Variants in KIAA0232 observed in about 807,000 individuals in gnomAD.
KIAA0232 encodes uncharacterized protein KIAA0232.
KIAA0232 carries 27 observed loss-of-function variants against 122.0 expected under a neutral mutation model. The observed-to-expected ratio is 0.22, with a 90% CI of 0.16 to 0.31. The LOEUF is 0.31. Ranked by LOEUF, KIAA0232 falls within the 10% of genes least tolerant of loss-of-function variation. KIAA0232 has a pLI of 1.00. For missense variants in KIAA0232, 1,551 were observed against 1,634.2 expected (o/e 0.95, Z 0.88); for synonymous variants, 613 against 587.6 (o/e 1.04, Z -0.63).
chr4:6,818,558 T>TA (rs1232555214), intron 2 of KIAA0232, among the ~76,000 whole-genome samples: 2 of 151,868 alleles, frequency 1.3e-5, no homozygotes, highest in Non-Finnish European at 2.9e-5. Context: ...AGAAGGACGA[T>TA]AAAATCATGG....
chr4:6,791,923 T>C (rs187985912), intron 1 of KIAA0232, among the ~76,000 whole-genome samples: 30 of 152,312 alleles, frequency 2.0e-4, no homozygotes, highest in African/African-American at 7.0e-4. Context: ...CAGGTCTTTC[T>C]CATGCTGTTC....
chr4:6,830,131 T>C (rs1381929473), intron 3 of KIAA0232, among the ~76,000 whole-genome samples: 2 of 152,258 alleles, frequency 1.3e-5, no homozygotes, highest in Non-Finnish European at 2.9e-5. Flanking sequence ...TCATGTGCTG[T>C]GTGCCAGCCA....
In KIAA0232 at chr4:6,842,053, C is replaced by T; in HGVS notation, c.232-14C>T. The T allele has an allele frequency of 6.2e-7, 1 of 1,612,966 alleles. No homozygotes were observed. Among genetic ancestry groups the T allele is most frequent in the Middle Eastern group, 1.7e-4 (1 of 6,060 alleles). ...TTAGCCCTGGTCATTTAACCTGGTG[C>T]AATTTCATTGCAGGAGAATGACATC... On this transcript the variant is annotated splice_polypyrimidine_tract_variant and intron_variant, in intron 3 of 9. Coordinates refer to ENST00000307659, the MANE Select transcript of KIAA0232 (RefSeq NM_014743.3).
At chr4:6,825,949 A>G (rs188197944) in intron 3 of KIAA0232, among the ~76,000 whole-genome samples, 163 of 152,262 alleles carry the variant, frequency 1.1e-3, no homozygotes, top group African/African-American at 3.5e-3. Flanking sequence ...GGATTTCACC[A>G]AGATGCTTAA....
At chr4:6,876,261 A>G (rs1207994694) in intron 8 of KIAA0232, among the ~76,000 whole-genome samples, 2 of 152,160 alleles carry the variant, frequency 1.3e-5, no homozygotes, top group Non-Finnish European at 1.5e-5. Context: ...TGAACGTGCT[A>G]TGATGCACCA....
intron 1 of KIAA0232, among the ~76,000 whole-genome samples, chr4:6,797,651 A>G (rs1054015240): frequency 6.6e-6 from 1 of 151,204 alleles, no homozygotes; most frequent in Non-Finnish European, 1.5e-5. Flanking sequence ...CCATAGTCCC[A>G]GTTACCTGGG....
chr4:6,844,437 C>T lies in KIAA0232; in HGVS notation c.369+2233C>T, dbSNP rs573896784. 4.6e-5 allele frequency among the ~76,000 whole-genome samples: 7 copies of T among 151,538 alleles called. No individual in the cohort carries two copies. In the East Asian group the frequency reaches 1.2e-3, roughly 25 times the overall value. On this transcript the variant is annotated intron_variant, in intron 4 of 9. Coordinates refer to ENST00000307659, the MANE Select transcript of KIAA0232 (RefSeq NM_014743.3). ...AACTTCTTAATTTCTTTTTCTTTTT[C>T]TTTTCTTTTTTCTTTTTTTGAGACG... is the stretch of plus-strand genomic sequence containing the variant.
At chr4:6,793,977 G>T (rs1717020577) in intron 1 of KIAA0232, among the ~76,000 whole-genome samples, 1 of 152,178 alleles carries the variant, frequency 6.6e-6, no homozygotes, top group African/African-American at 2.4e-5. Flanking sequence ...TCTACCTAGA[G>T]ATCTATTCAT....
At chr4:6,798,192 C>T (rs1008835204) in intron 1 of KIAA0232, among the ~76,000 whole-genome samples, 1 of 152,202 alleles carries the variant, frequency 6.6e-6, no homozygotes, top group Non-Finnish European at 1.5e-5. Context: ...TTTGACTCTC[C>T]ATGAGACCCT....
chr4:6,854,664 A>C (rs552861364), intron 4 of KIAA0232, among the ~76,000 whole-genome samples: 1 of 152,328 alleles, frequency 6.6e-6, no homozygotes, highest in Admixed American at 6.5e-5. Flanking sequence ...AGAGTGTTTT[A>C]CATGTGTTGG....
At chr4:6,830,831 A>G (rs1387338005) in intron 3 of KIAA0232, among the ~76,000 whole-genome samples, 3 of 152,106 alleles carry the variant, frequency 2.0e-5, no homozygotes, top group East Asian at 1.9e-4. Flanking sequence ...CATCTTTGCT[A>G]TGGAACTGTT....
At chr4:6,786,949 G>A (rs965911666) in intron 1 of KIAA0232, among the ~76,000 whole-genome samples, 4 of 152,072 alleles carry the variant, frequency 2.6e-5, no homozygotes, top group Non-Finnish European at 5.9e-5. Flanking sequence ...TTGGGAGGCC[G>A]AGGCGGGCGG....
At position 6,787,579 on chromosome 4, in the gene KIAA0232, C is replaced by T. The variant is rs75211894; in HGVS notation, c.-354+4738C>T. 8.0e-3 allele frequency among the ~76,000 whole-genome samples: 1,224 copies of T among 152,294 alleles called. 7 individuals carry two copies. The highest frequency in any genetic ancestry group is 0.013 in the Non-Finnish European group (912 of 68,004). The stretch of plus-strand genomic sequence containing the variant: ...CTGGAAACCTTTAGAGACTTCCTTT[C>T]TTGACCAGATTTTTACCAGGTTTGC... On this transcript the variant is annotated intron_variant, in intron 1 of 9. Transcript: ENST00000307659.
intron 4 of KIAA0232, among the ~76,000 whole-genome samples, chr4:6,844,530 GGTTCAA>G (rs1719852804): frequency 6.6e-6 from 1 of 151,612 alleles, no homozygotes. Flanking sequence ...CAACCTCCTG[GGTTCAA>G]GCGATTCTCC....
At chr4:6,833,049 C>CT (rs1342109632) in intron 3 of KIAA0232, among the ~76,000 whole-genome samples, 5 of 152,186 alleles carry the variant, frequency 3.3e-5, no homozygotes, top group African/African-American at 9.7e-5. Flanking sequence ...CTCCTTCAGC[C>CT]TATTTGTAAC....
rs757121600 is a variant in KIAA0232 at position 6,863,387 on chromosome 4, C to T, written c.3005C>T (p.Pro1002Leu). Reference sequence around the variant, plus strand: ...GTGTCATTTGAACAGAATGATCAGCCGAAGAGTGGGGAAAATGGGTTAAAT... The same window carrying T: ...GTGTCATTTGAACAGAATGATCAGCTGAAGAGTGGGGAAAATGGGTTAAAT... ...PFVSFEQNDQ[P>L]KSGENGLNKG... Residue 1002 changes from proline (P) to leucine (L), a missense_variant, in exon 7 of 10, where the codon CCG (proline) becomes CTG (leucine). By Grantham distance (98) the Pro-to-Leu change is moderately conservative. Coordinates refer to ENST00000307659, the MANE Select transcript of KIAA0232 (RefSeq NM_014743.3). 6.1e-5 allele frequency: 98 copies of T among 1,614,070 alleles called. 1 individual carries two copies. The South Asian group carries it at 9.2e-4, about 15-fold the overall frequency.
At chr4:6,810,388 A>T (rs574009940) in intron 2 of KIAA0232, among the ~76,000 whole-genome samples, 81 of 152,308 alleles carry the variant, frequency 5.3e-4, no homozygotes, top group African/African-American at 1.8e-3. Flanking sequence ...ATAAGAATGA[A>T]ATTGGACCCC....
intron 9 of KIAA0232, among the ~76,000 whole-genome samples, chr4:6,879,748 C>T (rs560155672): frequency 6.6e-6 from 1 of 152,216 alleles, no homozygotes; most frequent in East Asian, 1.9e-4. Context: ...AGTGTTGGCA[C>T]CTCTGCATGG....
chr4:6,836,838 C>T (rs1458728194), intron 3 of KIAA0232, among the ~76,000 whole-genome samples: 1 of 152,144 alleles, frequency 6.6e-6, no homozygotes, highest in African/African-American at 2.4e-5. Context: ...GGACACAGCA[C>T]ATGTTTCAGA....
Sources: allele counts gnomAD v4.1 joint callset (sites outside exome capture counted in the v4.1 genomes callset), GRCh38; gene constraint gnomAD v4.1.1; transcripts MANE v1.5; gene names NCBI Gene and HGNC (gene_info 2026-07-23, HGNC 2026-07-21).